NRG2: variants seen among roughly 807,000 people sequenced by gnomAD.
NRG2 encodes the protein neuregulin 2.
A neutral mutation model predicts 73.9 loss-of-function variants in NRG2; 27 were observed. The ratio of observed to expected loss-of-function variants is 0.37; its 90% CI spans 0.27 to 0.50. NRG2 has a LOEUF of 0.50. Ranked by LOEUF, NRG2 falls within the 20% of genes least tolerant of loss-of-function variation. The pLI, the probability that NRG2 is intolerant of heterozygous loss-of-function variation, is 0.96. For missense variants in NRG2, 1,126 were observed against 1,210.1 expected (o/e 0.93, Z 1.03); for synonymous variants, 532 against 541.0 (o/e 0.98, Z 0.23).
intron 1 of NRG2, among the ~76,000 whole-genome samples, chr5:139,990,216 A>C (rs1757507950): frequency 6.6e-6 from 1 of 152,178 alleles, no homozygotes; most frequent in African/African-American, 2.4e-5. Flanking sequence ...TGTGGTATGT[A>C]AATGTCAAAC....
intron 1 of NRG2, among the ~76,000 whole-genome samples, chr5:139,925,080 G>A (rs985814374): frequency 2.0e-5 from 3 of 152,160 alleles, no homozygotes; most frequent in Admixed American, 2.0e-4. Context: ...CAGGACTCAA[G>A]GAAGATGTGA....
intron 1 of NRG2, among the ~76,000 whole-genome samples, chr5:140,000,684 C>T (rs1211002117): frequency 6.6e-6 from 1 of 152,192 alleles, no homozygotes; most frequent in Non-Finnish European, 1.5e-5. Flanking sequence ...TCGGAGCTCT[C>T]GAAAATGTTC....
chr5:139,914,543 C>T (rs1433185850), intron 1 of NRG2, among the ~76,000 whole-genome samples: 1 of 152,220 alleles, frequency 6.6e-6, no homozygotes, highest in African/African-American at 2.4e-5. Context: ...ATAAGCTCCT[C>T]TGCCAAATTC....
intron 1 of NRG2, among the ~76,000 whole-genome samples, chr5:140,001,590 G>C (rs1758481979): frequency 6.6e-6 from 1 of 152,046 alleles, no homozygotes. Flanking sequence ...AGCTGGGCTT[G>C]GTGGCTCATG....
At chr5:139,872,899 C>T (rs1014751678) in intron 3 of NRG2, among the ~76,000 whole-genome samples, 7 of 152,332 alleles carry the variant, frequency 4.6e-5, no homozygotes, top group Admixed American at 1.3e-4. Context: ...CCTCAGCTCC[C>T]AGGGCCTCTG....
chr5:139,992,978 C>T (rs1757748595), intron 1 of NRG2, among the ~76,000 whole-genome samples: 1 of 151,898 alleles, frequency 6.6e-6, no homozygotes, highest in Admixed American at 6.6e-5. Flanking sequence ...GTTGTTCCTC[C>T]ATCTTTTTTT....
chr5:139,858,407 A>G (rs1442912329), intron 5 of NRG2, among the ~76,000 whole-genome samples: 1 of 152,140 alleles, frequency 6.6e-6, no homozygotes, highest in Admixed American at 6.5e-5. Context: ...ACTTCGCTAC[A>G]CTAGCACCCC....
At chr5:139,872,769 T>A (rs1762944825) in intron 3 of NRG2, among the ~76,000 whole-genome samples, 1 of 152,176 alleles carries the variant, frequency 6.6e-6, no homozygotes, top group African/African-American at 2.4e-5. Context: ...GAAGCTCTGC[T>A]CCTCATCAGG....
intron 3 of NRG2, among the ~76,000 whole-genome samples, chr5:139,877,442 G>A (rs760552552): frequency 2.3e-4 from 35 of 152,310 alleles, no homozygotes; most frequent in Non-Finnish European, 3.8e-4. Context: ...GTTTCCCTTC[G>A]GCCTGGGCGG....
At chr5:139,967,312 T>C (rs1755604465) in intron 1 of NRG2, among the ~76,000 whole-genome samples, 1 of 152,208 alleles carries the variant, frequency 6.6e-6, no homozygotes, top group African/African-American at 2.4e-5. Flanking sequence ...AGTACTCCTC[T>C]TGGGCAGAGG....
At position 139,869,759 on chromosome 5, in the gene NRG2, C is replaced by T. The variant is rs952757056; in HGVS notation, c.1112+1962G>A. On this transcript the variant is annotated intron_variant, in intron 4 of 9. Coordinates refer to ENST00000361474, the MANE Select transcript of NRG2 (RefSeq NM_004883.3). This position sits in a 1 kb window ranked among gnomAD's most constrained non-coding sequence, Gnocchi z 4.5. ...ACAGGGCACCATCTTCACAATGGCT[C>T]AGGCTCCTGCCTCTGCTCCTCTCAG... 1.3e-5 allele frequency: 2 copies of T among 152,344 alleles called. No homozygotes were observed. The highest frequency in any genetic ancestry group is 6.5e-5 in the Admixed American group (1 of 15,284). The allele number at this position is 152,344 out of a possible 1,614,324, so 9.4% of individuals were successfully genotyped here.
intron 1 of NRG2, among the ~76,000 whole-genome samples, chr5:139,975,335 C>T (rs935010796): frequency 3.9e-5 from 6 of 152,224 alleles, no homozygotes; most frequent in South Asian, 4.1e-4. Flanking sequence ...CCAGGGCCTC[C>T]GAGGCACAGA....
In NRG2 at chr5:140,014,400, A is replaced by G. The variant is rs1262340585; in HGVS notation, c.700+27970T>C. On this transcript the variant is annotated intron_variant, in intron 1 of 9. Coordinates refer to ENST00000361474, the MANE Select transcript of NRG2 (RefSeq NM_004883.3). ...TACAGGCATGCACCACCATGCCCAG[A>G]TAATTTTTGTATGTTTTGTAGAGAT... Among the ~76,000 whole-genome samples the G allele has an allele frequency of 4.0e-5, 6 of 151,868 alleles. No homozygotes were observed. In the East Asian group the frequency reaches 1.2e-3, roughly 29 times the overall value.
intron 5 of NRG2, among the ~76,000 whole-genome samples, chr5:139,861,507 C>A (rs918267552): frequency 6.6e-6 from 1 of 152,154 alleles, no homozygotes; most frequent in African/African-American, 2.4e-5. Context: ...GGGGCTTCAA[C>A]CCCCCAGTTC....
intron 1 of NRG2, among the ~76,000 whole-genome samples, chr5:140,027,158 A>C (rs1345526254): frequency 6.6e-6 from 1 of 152,076 alleles, no homozygotes; most frequent in East Asian, 1.9e-4. Flanking sequence ...TTTCAAAAAA[A>C]AAAATTGTAG....
chr5:139,929,140 A>G (rs951079087), intron 1 of NRG2, among the ~76,000 whole-genome samples: 4 of 152,120 alleles, frequency 2.6e-5, no homozygotes, highest in Non-Finnish European at 5.9e-5. Flanking sequence ...GTCCAGCCCC[A>G]TGGCCTGCCA....
At position 139,852,037 on chromosome 5, in the gene NRG2, G is replaced by A. The variant is rs550864187; in HGVS notation, c.1545-206C>T. On this transcript the variant is annotated intron_variant, in intron 8 of 9. Transcript: ENST00000361474. The surrounding 1 kb of genome is among the most constrained non-coding windows in gnomAD (Gnocchi z 4.4). ...GGGCTGGGGTCCCATAGATGGGTGA[G>A]CTGTAATGTGCAGAGACCCATTTCT... Among the ~76,000 whole-genome samples, 12 of 152,320 alleles carry A rather than the reference G, an allele frequency of 7.9e-5. No individual in the cohort carries two copies. Among genetic ancestry groups the A allele is most frequent in the African/African-American group, 2.6e-4 (11 of 41,578 alleles).
intron 3 of NRG2, 30 bp from the exon 4 acceptor site, chr5:139,871,871 C>T (rs369966050): frequency 1.6e-5 from 26 of 1,609,266 alleles, no homozygotes; most frequent in South Asian, 3.3e-5. Flanking sequence ...GTGCCAGTGA[C>T]GCACTGAGAC....
intron 1 of NRG2, among the ~76,000 whole-genome samples, chr5:139,940,043 A>C (rs1396287067): frequency 1.3e-5 from 2 of 152,266 alleles, no homozygotes; most frequent in South Asian, 2.1e-4. Context: ...CAAATGGTAC[A>C]GTTTGGTAGT....
Sources: allele counts gnomAD v4.1 joint callset (sites outside exome capture counted in the v4.1 genomes callset), GRCh38; gene constraint gnomAD v4.1.1; non-coding constraint Gnocchi (gnomAD v3.1); transcripts MANE v1.5; gene names NCBI Gene and HGNC (gene_info 2026-07-23, HGNC 2026-07-21).